IGSF11: variants seen among roughly 807,000 people sequenced by gnomAD.
The protein encoded by IGSF11 is CXADR like 1.
In IGSF11, 22 loss-of-function variants were observed where a neutral mutation model predicts 41.0. The ratio of observed to expected loss-of-function variants is 0.54; its 90% confidence interval spans 0.38 to 0.77. The LOEUF (loss-of-function observed/expected upper bound fraction) is 0.77, where lower values mean the gene tolerates loss of function less well. Among genes scored for constraint, IGSF11 ranks in the 30% least tolerant of loss-of-function variants. The probability of loss-of-function intolerance (pLI) is 0.00; values close to 1 mark genes in which losing one functional copy is unlikely to be tolerated. For missense variants in IGSF11, 444 were observed against 530.8 expected (o/e 0.84, Z 1.61); for synonymous variants, 219 against 201.3 (o/e 1.09, Z -0.74).
At chr3:119,061,893 A>G (rs1471893862) in intron 1 of IGSF11, among the ~76,000 whole-genome samples, 1 of 152,092 alleles carries the variant, frequency 6.6e-6, no homozygotes, top group Non-Finnish European at 1.5e-5. Flanking sequence ...TGATGTCTAG[A>G]ACCAAATAAG....
intron 4 of IGSF11, among the ~76,000 whole-genome samples, chr3:118,913,729 T>C (rs1257677395): frequency 6.6e-6 from 1 of 151,814 alleles, no homozygotes. Flanking sequence ...GCAAAAAAAA[T>C]GGCAAACTTG....
In IGSF11 at chr3:118,905,717, G is replaced by A. The variant is rs747513910; in HGVS notation, c.582C>T (p.Asp194=). ...TLKLPPTATQ[D]QVQGTVTIRN... ...GGATGGTGACTGTTCCCTGGACCTGGTCTGTCACAAAAATAATAACCGAGT... is the reference window on the plus strand; with the variant it reads ...GGATGGTGACTGTTCCCTGGACCTGATCTGTCACAAAAATAATAACCGAGT... Residue 194 remains aspartate, a splice_region_variant and synonymous_variant, in exon 5 of 7, where the codon GAC becomes GAT. Transcript: ENST00000393775. 1 of 1,613,536 alleles carries A rather than the reference G, an allele frequency of 6.2e-7. No individual in the cohort carries two copies. Among genetic ancestry groups the A allele is most frequent in the Admixed American group, 1.7e-5 (1 of 59,954 alleles).
At chr3:119,055,310 G>C (rs1941784993) in intron 1 of IGSF11, among the ~76,000 whole-genome samples, 1 of 152,102 alleles carries the variant, frequency 6.6e-6, no homozygotes, top group Non-Finnish European at 1.5e-5. Context: ...ACCAGCAATG[G>C]AACAAAGCTG....
intron 1 of IGSF11, among the ~76,000 whole-genome samples, chr3:119,047,117 T>A (rs558162603): frequency 1.4e-3 from 208 of 149,138 alleles, no homozygotes; most frequent in African/African-American, 4.9e-3. Context: ...GCTAACATCA[T>A]AATGACAGGA....
At chr3:119,045,850 A>G (rs2107752916) in intron 1 of IGSF11, among the ~76,000 whole-genome samples, 1 of 152,128 alleles carries the variant, frequency 6.6e-6, no homozygotes, top group African/African-American at 2.4e-5. Flanking sequence ...ACCCCCGAGC[A>G]GCCTAACTGG....
At chr3:119,019,973 A>T (rs1176405781) in intron 1 of IGSF11, among the ~76,000 whole-genome samples, 1 of 151,728 alleles carries the variant, frequency 6.6e-6, no homozygotes, top group Non-Finnish European at 1.5e-5. Context: ...GATTTATGCC[A>T]TTATAAAAGA....
At chr3:118,913,842 A>C (rs1318343685) in intron 4 of IGSF11, among the ~76,000 whole-genome samples, 1 of 152,242 alleles carries the variant, frequency 6.6e-6, no homozygotes, top group African/African-American at 2.4e-5. Flanking sequence ...AAATATACTA[A>C]AGCCAAGAAA....
At chr3:118,933,908 A>C (rs1487772897) in intron 1 of IGSF11, among the ~76,000 whole-genome samples, 2 of 152,118 alleles carry the variant, frequency 1.3e-5, no homozygotes, top group Non-Finnish European at 2.9e-5. Context: ...ATCTAGGACC[A>C]ACCCTGTACG....
rs554181825 is a variant in IGSF11, at chr3:119,045,904, G to A, written c.49+59240C>T. 2.9e-4 allele frequency among the ~76,000 whole-genome samples: 44 copies of A among 151,894 alleles called. No homozygotes were observed. The South Asian group carries it at 9.1e-3, about 31-fold the overall frequency. The stretch of plus-strand genomic sequence containing the variant: ...GGCACAGTGACACCTCACACTCCAG[G>A]GTACTCCAACAGACCTGCAGCTGAG... On this transcript the variant is annotated intron_variant, in intron 1 of 6. Coordinates refer to the IGSF11 transcript ENST00000354673.
chr3:119,018,826 C>G (rs1436280160), intron 1 of IGSF11, among the ~76,000 whole-genome samples: 1 of 152,182 alleles, frequency 6.6e-6, no homozygotes, highest in East Asian at 1.9e-4. Flanking sequence ...CTCAGAGAGG[C>G]ATGCAGAAGT....
intron 1 of IGSF11, among the ~76,000 whole-genome samples, chr3:118,997,245 A>T (rs998955365): frequency 1.1e-4 from 16 of 152,232 alleles, no homozygotes; most frequent in Non-Finnish European, 2.4e-4. Flanking sequence ...TTTCAGGACT[A>T]AATAAGTAGA....
At chr3:118,924,326 A>C (rs1942098741) in intron 4 of IGSF11, among the ~76,000 whole-genome samples, 1 of 152,148 alleles carries the variant, frequency 6.6e-6, no homozygotes, top group African/African-American at 2.4e-5. Flanking sequence ...TTTTCAGAAA[A>C]TGCATCATGA....
rs74859923 is a variant in IGSF11 at position 118,902,256 on chromosome 3, G to T, written c.*264C>A. On this transcript the variant is annotated 3_prime_UTR_variant, in exon 7 of 7. Transcript: ENST00000393775. ...GGATTTTAAGTACTATTCTGCTCTT[G>T]TATCTTTTTCCTTGGCTTGGCACAT... The T allele has an allele frequency of 4.3e-5, 18 of 419,560 alleles. No homozygotes were observed. The highest frequency in any genetic ancestry group is 7.3e-5 in the Non-Finnish European group (17 of 233,268). 26.0% of individuals were successfully genotyped at this position (419,560 alleles called of 1,614,324 possible). A position where few individuals can be genotyped will look rare whatever the true frequency, so the allele number is the denominator to read the frequency against.
intron 1 of IGSF11, among the ~76,000 whole-genome samples, chr3:118,955,253 C>T (rs1559955651): frequency 6.7e-6 from 1 of 148,716 alleles, no homozygotes; most frequent in African/African-American, 2.5e-5. Context: ...CACACACACA[C>T]ATACACACAC....
chr3:118,940,755 A>G (rs1943619371), intron 1 of IGSF11, among the ~76,000 whole-genome samples: 1 of 152,040 alleles, frequency 6.6e-6, no homozygotes, highest in South Asian at 2.1e-4. Context: ...ATATAGATAA[A>G]GTAGCATTGG....
chr3:118,996,785 G>A (rs1317930423), intron 1 of IGSF11, among the ~76,000 whole-genome samples: 1 of 151,948 alleles, frequency 6.6e-6, no homozygotes, highest in African/African-American at 2.4e-5. Flanking sequence ...ATTTTTAGTA[G>A]AGACGGGGTT....
intron 1 of IGSF11, chr3:118,944,845 T>G (rs1178428025): frequency 3.3e-5 from 5 of 152,196 alleles, no homozygotes; most frequent in Admixed American, 3.3e-4. Flanking sequence ...GATATGATTA[T>G]TAATCGTATT....
Position 119,136,842 on chromosome 3 carries a change from C to CA in IGSF11, c.-14+8970dup, listed in dbSNP as rs200536287. On this transcript the variant is annotated intron_variant, in intron 1 of 7. Coordinates refer to the IGSF11 transcript ENST00000425327. The stretch of plus-strand genomic sequence containing the variant: ...TATTTGGAAAAACCTCGGGACTCCA[C>CA]AAAAAAAAACTATTAGAACTGATAA... 3.0e-3 allele frequency among the ~76,000 whole-genome samples: 454 copies of CA among 149,288 alleles called. 1 individual carries two copies. Among genetic ancestry groups the CA allele is most frequent in the African/African-American group, 0.01 (413 of 40,784 alleles).
At chr3:118,933,838 G>A (rs546046677) in intron 1 of IGSF11, among the ~76,000 whole-genome samples, 1 of 151,950 alleles carries the variant, frequency 6.6e-6, no homozygotes, top group Non-Finnish European at 1.5e-5. Flanking sequence ...CTCAATCTGC[G>A]AATCAGTTTC....
Sources: gnomAD v4.1 joint callset for allele counts (sites outside exome capture counted in the v4.1 genomes callset) on GRCh38, gnomAD v4.1.1 for gene constraint, MANE v1.5 for transcripts, NCBI Gene and HGNC (gene_info 2026-07-23, HGNC 2026-07-21) for gene names.